NIPBL: variants seen among roughly 807,000 people sequenced by gnomAD.
The protein encoded by NIPBL is nipped-B-like protein.
In NIPBL, 19 loss-of-function variants were observed where a neutral mutation model predicts 321.8. The observed-to-expected ratio is 0.06, with a 90% CI of 0.04 to 0.09. The LOEUF (loss-of-function observed/expected upper bound fraction) is 0.09, where lower values mean the gene tolerates loss of function less well. Ranked by LOEUF, NIPBL falls within the 10% of genes least tolerant of loss-of-function variation. The pLI, the probability that NIPBL is intolerant of heterozygous loss-of-function variation, is 1.00. For missense variants in NIPBL, 2,210 were observed against 3,327.0 expected (o/e 0.66, Z 8.26); for synonymous variants, 1,106 against 1,114.1 (o/e 0.99, Z 0.14).
At chr5:36,896,335 G>T (rs974318737) in intron 1 of NIPBL, among the ~76,000 whole-genome samples, 5 of 152,166 alleles carry the variant, frequency 3.3e-5, no homozygotes, top group African/African-American at 1.2e-4. Context: ...CTGTGGCTTT[G>T]TAGTAAGGTT....
At position 36,888,724 on chromosome 5, in the gene NIPBL, C is replaced by G. The variant is rs576415246; in HGVS notation, c.-80+11546C>G. On this transcript the variant is annotated intron_variant, in intron 1 of 46. Transcript: ENST00000282516. ...GGTTTTGTATAACTTTATGATATTT[C>G]TTCCTTAAAATAAGAAATTACCCCT... Among the ~76,000 whole-genome samples the G allele has an allele frequency of 5.3e-5, 8 of 152,094 alleles. No individual in the cohort carries two copies. In the East Asian group the frequency reaches 1.5e-3, roughly 29 times the overall value.
chr5:36,936,533 G>A (rs573056770), intron 1 of NIPBL, among the ~76,000 whole-genome samples: 1 of 152,244 alleles, frequency 6.6e-6, no homozygotes, highest in African/African-American at 2.4e-5. Flanking sequence ...TTTGCACAGT[G>A]ATGAAATTGC....
At chr5:36,954,322 G>GT (rs1740708524) in intron 2 of NIPBL, among the ~76,000 whole-genome samples, 1 of 152,176 alleles carries the variant, frequency 6.6e-6, no homozygotes, top group Non-Finnish European at 1.5e-5. Flanking sequence ...TTTTGTCCAT[G>GT]TTCAGTATCC....
In NIPBL at chr5:36,955,586, A is replaced by T. The variant is rs142703446; in HGVS notation, c.179A>T (p.Asn60Ile). The change falls in exon 3 of 47, where the codon AAT becomes ATT. Residue 60 changes from asparagine (N) to isoleucine (I), a missense_variant. Asn to Ile is a moderately radical substitution (Grantham distance 149). This residue lies in a region of NIPBL where 464 missense variants were observed against 529.5 expected (regional missense o/e 0.88). Transcript: ENST00000282516. ...VNCLLACRDD[N>I]LVSQLVHSLN... ...TGCCTTTTGGCTTGTAGGGATGACA[A>T]TTTGGTTTCACAGCTTGTCCATAGC... 6.2e-7 allele frequency: 1 copy of T among 1,614,080 alleles called. No individual in the cohort carries two copies. Among genetic ancestry groups the T allele is most frequent in the Non-Finnish European group, 8.5e-7 (1 of 1,180,006 alleles).
intron 9 of NIPBL, among the ~76,000 whole-genome samples, chr5:36,979,325 A>G (rs1004229494): frequency 1.3e-5 from 2 of 151,750 alleles, no homozygotes; most frequent in South Asian, 4.1e-4. Flanking sequence ...ATGTATTCCT[A>G]GGTATTTTAT....
At chr5:36,893,022 G>C (rs180729025) in intron 1 of NIPBL, among the ~76,000 whole-genome samples, 67 of 152,204 alleles carry the variant, frequency 4.4e-4, no homozygotes, top group African/African-American at 1.5e-3. Flanking sequence ...TTAATGCTTT[G>C]TTTTCTAGTA....
At chr5:36,947,718 T>G (rs944815291) in intron 1 of NIPBL, among the ~76,000 whole-genome samples, 1 of 151,930 alleles carries the variant, frequency 6.6e-6, no homozygotes, top group Non-Finnish European at 1.5e-5. Context: ...ATTAGTATTT[T>G]CCTGAATCAT....
intron 6 of NIPBL, among the ~76,000 whole-genome samples, chr5:36,969,008 G>T (rs1742554311): frequency 6.6e-6 from 1 of 152,042 alleles, no homozygotes; most frequent in Admixed American, 6.5e-5. Context: ...GAAATCAATT[G>T]CATTTTTATA....
At chr5:36,978,391 T>A (rs1743750354) in intron 9 of NIPBL, among the ~76,000 whole-genome samples, 1 of 152,098 alleles carries the variant, frequency 6.6e-6, no homozygotes, top group Non-Finnish European at 1.5e-5. Context: ...TGTGTGTACA[T>A]CTTCTTTTGA....
At position 36,976,111 on chromosome 5, in the gene NIPBL, A is replaced by G. The variant is rs1743412766; in HGVS notation, c.1204A>G (p.Lys402Glu). Residue 402 changes from lysine to glutamate, a missense_variant, in exon 9 of 47, where the codon AAA (lysine) becomes GAA (glutamate). Physicochemically the swap from Lys to Glu is moderately conservative, Grantham distance 56. Around this residue, in one of 14 missense-constraint regions of NIPBL, gnomAD observed 464 missense variants for 529.5 expected, o/e 0.88. Transcript: ENST00000282516. ...FNVQYPGQTS[K>E]TPITPQDINR... is the part of the protein sequence containing the mutation. ...TGTGCAGTACCCAGGACAGACTTCA[A>G]AAACACCCATTACTCCACAAGATAT... 1.9e-6 allele frequency: 3 copies of G among 1,614,060 alleles called. No individual in the cohort carries two copies. The South Asian group carries it at 3.3e-5, about 18-fold the overall frequency.
intron 6 of NIPBL, among the ~76,000 whole-genome samples, chr5:36,969,457 A>G (rs912438666): frequency 6.6e-6 from 1 of 152,214 alleles, no homozygotes; most frequent in African/African-American, 2.4e-5. Flanking sequence ...GCTTAGGAAC[A>G]TACCCATGGA....
chr5:36,977,580 A>G (rs1390290581), intron 9 of NIPBL, among the ~76,000 whole-genome samples: 1 of 146,578 alleles, frequency 6.8e-6, no homozygotes, highest in African/African-American at 2.5e-5. Context: ...CTGGCTAGGG[A>G]GCTGGGTTTT....
intron 45 of NIPBL, among the ~76,000 whole-genome samples, chr5:37,061,636 A>G (rs1754685396): frequency 6.6e-6 from 1 of 152,164 alleles, no homozygotes; most frequent in Non-Finnish European, 1.5e-5. Flanking sequence ...CTGAGATTGC[A>G]CCATTACACC....
chr5:36,885,164 C>T, intron 1 of NIPBL: 1 of 485,324 alleles, frequency 2.1e-6, no homozygotes. Context: ...TCAGGGTCAG[C>T]AAAGCCTGAG....
intron 6 of NIPBL, among the ~76,000 whole-genome samples, chr5:36,968,120 A>G (rs952297429): frequency 2.8e-4 from 43 of 151,062 alleles, no homozygotes; most frequent in Non-Finnish European, 5.0e-4. Flanking sequence ...AACAAAAAAC[A>G]AAAAACGAAT....
intron 34 of NIPBL, among the ~76,000 whole-genome samples, chr5:37,041,257 T>TTTTTTTTTTG (rs1752323906): frequency 1.7e-5 from 2 of 118,136 alleles, no homozygotes; most frequent in African/African-American, 7.3e-5. Flanking sequence ...TGGTGGTTTT[T>TTTTTTTTTTG]TTTTTTTTTT....
intron 32 of NIPBL, among the ~76,000 whole-genome samples, chr5:37,033,730 ATTTT>A (rs58081432): frequency 0.015 from 323 of 21,482 alleles, 9 homozygotes; most frequent in African/African-American, 0.061. Flanking sequence ...ATATATATAT[ATTTT>A]TTTTTTTTTT....
At chr5:36,877,451 C>T (rs1441840507) in intron 1 of NIPBL, among the ~76,000 whole-genome samples, 1 of 152,168 alleles carries the variant, frequency 6.6e-6, no homozygotes, top group Non-Finnish European at 1.5e-5. Context: ...CGCGGGCCAG[C>T]GGAATCTACT....
chr5:36,880,483 A>C (rs77119705), intron 1 of NIPBL, among the ~76,000 whole-genome samples: 1 of 151,990 alleles, frequency 6.6e-6, no homozygotes, highest in African/African-American at 2.4e-5. Context: ...TGAAGTGATT[A>C]GGGAGTGTGA....
Sources: allele counts gnomAD v4.1 joint callset (sites outside exome capture counted in the v4.1 genomes callset), GRCh38; gene constraint gnomAD v4.1.1; regional missense constraint gnomAD v4.1.1; transcripts MANE v1.5; gene names NCBI Gene and HGNC (gene_info 2026-07-23, HGNC 2026-07-21).